The following C10orf90 variants were observed in gnomAD, a reference collection of about 807,000 sequenced individuals.
C10orf90 encodes the protein chromosome 10 open reading frame 90, also known as (E2-independent) E3 ubiquitin-conjugating enzyme FATS.
In C10orf90, 56 loss-of-function variants were observed where a neutral mutation model predicts 62.5. The observed-to-expected ratio is 0.90, with a 90% CI of 0.72 to 1.12. The LOEUF is 1.12. Among genes scored for constraint, C10orf90 ranks in the 50% most tolerant of loss-of-function variants. The pLI is 0.00. For missense variants in C10orf90, 970 were observed against 880.4 expected (o/e 1.10, Z -1.29); for synonymous variants, 386 against 340.4 (o/e 1.13, Z -1.47).
At chr10:126,558,886 G>A (rs1161973869) in intron 2 of C10orf90, among the ~76,000 whole-genome samples, 1 of 152,218 alleles carries the variant, frequency 6.6e-6, no homozygotes, top group Non-Finnish European at 1.5e-5. Flanking sequence ...CTGGGTAAAT[G>A]CTGGATGGAC....
chr10:126,476,084 T>C (rs2133784879), intron 4 of C10orf90, among the ~76,000 whole-genome samples: 1 of 152,244 alleles, frequency 6.6e-6, no homozygotes, highest in East Asian at 1.9e-4. Flanking sequence ...CATTACAAGA[T>C]CTAGAAACCC....
intron 1 of C10orf90, among the ~76,000 whole-genome samples, chr10:126,650,811 A>G (rs1846277316): frequency 6.6e-6 from 1 of 152,192 alleles, no homozygotes; most frequent in Admixed American, 6.5e-5. Flanking sequence ...AAGAAACCTA[A>G]GTGTCCAAGA....
chr10:126,444,910 T>TA (rs1442207760), intron 7 of C10orf90, among the ~76,000 whole-genome samples: 1 of 151,856 alleles, frequency 6.6e-6, no homozygotes, highest in Non-Finnish European at 1.5e-5. Context: ...AACAAAAACA[T>TA]AAAGTGGGGA....
chr10:126,639,022 C>T (rs773446790), intron 2 of C10orf90, among the ~76,000 whole-genome samples: 7 of 152,224 alleles, frequency 4.6e-5, no homozygotes, highest in East Asian at 3.8e-4. Flanking sequence ...CTTAGACATG[C>T]GGGAATGACA....
At chr10:126,507,139 T>C (rs1373935333) in intron 3 of C10orf90, among the ~76,000 whole-genome samples, 1 of 152,018 alleles carries the variant, frequency 6.6e-6, no homozygotes, top group Admixed American at 6.6e-5. Flanking sequence ...GGGTGGATCA[T>C]GAGGTCAGGA....
chr10:126,486,349 C>T (rs1343702389), intron 4 of C10orf90, among the ~76,000 whole-genome samples: 1 of 152,124 alleles, frequency 6.6e-6, no homozygotes, highest in Non-Finnish European at 1.5e-5. Flanking sequence ...TTATTCTCAA[C>T]CCAGAAAATT....
chr10:126,564,815 AATAAGACTCTCTCTCTCTAT>A (rs1265085393), intron 2 of C10orf90, among the ~76,000 whole-genome samples: 1 of 61,326 alleles, frequency 1.6e-5, no homozygotes, highest in African/African-American at 6.0e-5. Context: ...CAAGTTTAGG[AATAAGACTCTCTCTCTCTAT>A]ATATATATTA....
At chr10:126,540,474 C>G (rs1269466082) in intron 2 of C10orf90, among the ~76,000 whole-genome samples, 1 of 152,208 alleles carries the variant, frequency 6.6e-6, no homozygotes, top group Non-Finnish European at 1.5e-5. Flanking sequence ...GCCTGGGCAA[C>G]ACAGTGAGAT....
At chr10:126,526,752 CA>C (rs1388346892) in intron 2 of C10orf90, among the ~76,000 whole-genome samples, 2 of 152,160 alleles carry the variant, frequency 1.3e-5, no homozygotes, top group Non-Finnish European at 2.9e-5. Flanking sequence ...CCCTGGCAAC[CA>C]CTCAACAACT....
chr10:126,479,810 A>C (rs945517493), intron 4 of C10orf90, among the ~76,000 whole-genome samples: 1 of 152,228 alleles, frequency 6.6e-6, no homozygotes, highest in African/African-American at 2.4e-5. Context: ...TTAAGAACAT[A>C]AACAAAAAGG....
chr10:126,536,267 G>A (rs757753695), intron 2 of C10orf90, among the ~76,000 whole-genome samples: 4 of 152,198 alleles, frequency 2.6e-5, no homozygotes, highest in Non-Finnish European at 4.4e-5. Flanking sequence ...GTGGTAGCAG[G>A]TCGCGGAGGA....
intron 7 of C10orf90, among the ~76,000 whole-genome samples, 165 bp downstream of exon 7, chr10:126,458,875 C>T (rs1407643710): frequency 6.6e-6 from 1 of 152,130 alleles, no homozygotes; most frequent in Admixed American, 6.5e-5. Context: ...GGGCTGGCTC[C>T]AAGAACAGGA....
At chr10:126,584,387 A>G (rs761961583) in intron 2 of C10orf90, among the ~76,000 whole-genome samples, 1 of 148,872 alleles carries the variant, frequency 6.7e-6, no homozygotes, top group African/African-American at 2.5e-5. Flanking sequence ...CCATCCATCT[A>G]CCTGTCCACC....
intron 2 of C10orf90, among the ~76,000 whole-genome samples, chr10:126,633,381 A>G (rs1210295593): frequency 6.6e-6 from 1 of 152,250 alleles, no homozygotes; most frequent in Non-Finnish European, 1.5e-5. Flanking sequence ...CCCGCTGTGA[A>G]GTACAGGCCA....
At chr10:126,591,052 A>G (rs1261166569) in intron 2 of C10orf90, among the ~76,000 whole-genome samples, 2 of 152,222 alleles carry the variant, frequency 1.3e-5, no homozygotes, top group Non-Finnish European at 1.5e-5. Context: ...GCAGTAATCA[A>G]TAGGCTACCA....
intron 2 of C10orf90, among the ~76,000 whole-genome samples, chr10:126,544,409 C>T (rs1047529424): frequency 5.3e-5 from 8 of 152,172 alleles, no homozygotes; most frequent in East Asian, 3.9e-4. Context: ...CTCCACCAGG[C>T]GCTCGTGGGC....
intron 2 of C10orf90, among the ~76,000 whole-genome samples, chr10:126,540,998 G>A (rs1864363104): frequency 6.6e-6 from 1 of 152,008 alleles, no homozygotes; most frequent in Non-Finnish European, 1.5e-5. Flanking sequence ...ATATAAAAAA[G>A]TGAAATTTTC....
At chr10:126,670,096 T>C (rs1846717536) in intron 1 of C10orf90, 145 bp downstream of exon 1, 1 of 334,894 alleles carries the variant, frequency 3.0e-6, no homozygotes, top group African/African-American at 2.2e-5. Flanking sequence ...TGAAGAAGGC[T>C]TTTCCAAATC....
intron 2 of C10orf90, among the ~76,000 whole-genome samples, chr10:126,533,025 C>T (rs1418467369): frequency 8.6e-5 from 13 of 150,644 alleles, no homozygotes; most frequent in African/African-American, 2.9e-4. Flanking sequence ...CTCCACCTCC[C>T]GGGTTCACGT....
Sources: gnomAD v4.1 joint callset for allele counts (sites outside exome capture counted in the v4.1 genomes callset) on GRCh38, gnomAD v4.1.1 for gene constraint, MANE v1.5 for transcripts, NCBI Gene and HGNC (gene_info 2026-07-23, HGNC 2026-07-21) for gene names.